MN1: variants seen among roughly 807,000 people sequenced by gnomAD.
MN1 encodes transcriptional activator MN1.
In MN1, 19 loss-of-function variants were observed where a neutral mutation model predicts 86.9. The ratio of observed to expected loss-of-function variants is 0.22; its 90% CI spans 0.15 to 0.32. MN1 has a LOEUF of 0.32. MN1 is among the 10% of genes least tolerant of loss of function. The probability of loss-of-function intolerance (pLI) is 1.00; values close to 1 mark genes in which losing one functional copy is unlikely to be tolerated. For synonymous variants in MN1, 928 were observed against 849.6 expected (o/e 1.09, Z -1.60); for missense variants, 1,841 against 1,862.0 (o/e 0.99, Z 0.21).
At position 27,799,940 on chromosome 22, in the gene MN1, A is replaced by T; in HGVS notation, c.604T>A (p.Ser202Thr). 1.2e-6 allele frequency: 2 copies of T among 1,603,226 alleles called. No individual in the cohort carries two copies. Among genetic ancestry groups the T allele is most frequent in the Non-Finnish European group, 1.7e-6 (2 of 1,175,546 alleles). ...CTGGAGGACGGCAGGCCGTGGAAGG[A>T]GGCGGCTCGGTTAGGGCTCTGGTCC... Reference protein sequence around the residue: ...PLDQSPNRAASFHGLPSSSGS... With the variant: ...PLDQSPNRAATFHGLPSSSGS... The change falls in exon 1 of 2, where the codon TCC becomes ACC. Residue 202 changes from serine to threonine, a missense_variant. Transcript: ENST00000302326.
In MN1 at chr22:27,798,357, C is replaced by T. The variant is rs1433791547; in HGVS notation, c.2187G>A (p.Arg729=). 3 of 1,502,530 alleles carry T rather than the reference C, an allele frequency of 2.0e-6. No homozygotes were observed. The African/African-American group carries it at 4.3e-5, about 22-fold the overall frequency. 93.1% of individuals were successfully genotyped at this position (1,502,530 alleles called of 1,614,324 possible). Residue 729 remains arginine (R), a synonymous_variant, in exon 1 of 2, where the codon CGG becomes CGA. Transcript: ENST00000302326. ...ACGTAGCAAAGTCCGGCGGCGGGGG[C>T]CGGCGCTCCGAAGCAGCGCTGGGGA... is the stretch of plus-strand genomic sequence containing the variant. ...VGLPSAASER[R]PPPPDFATSA...
At position 27,797,117 on chromosome 22, in the gene MN1, C is replaced by T. The variant is rs781031487; in HGVS notation, c.3427G>A (p.Gly1143Ser). The change falls in exon 1 of 2, where the codon GGC becomes AGC. Residue 1143 changes from glycine (G) to serine (S), a missense_variant. By Grantham distance (56) the Gly-to-Ser change is moderately conservative. Transcript: ENST00000302326. The stretch of plus-strand genomic sequence containing the variant: ...TGGATCTCGTCGGGTGGCGGGGCGC[C>T]GCTGCTGCTCGTCGGGGTGCGGACC... ...EQVRTPTSSSGAPPPDEIHPL... is the reference protein window; with the variant it reads ...EQVRTPTSSSSAPPPDEIHPL... 3.8e-6 allele frequency: 6 copies of T among 1,589,324 alleles called. No homozygotes were observed. The South Asian group carries it at 5.7e-5, about 15-fold the overall frequency.
chr22:27,783,852 A>AGTCCGAAT (rs369331252), intron 1 of MN1, among the ~76,000 whole-genome samples: 2,317 of 152,346 alleles, frequency 0.015, 20 homozygotes, highest in South Asian at 0.043. Context: ...TGCCAAGGCG[A>AGTCCGAAT]GTCCGAATAT....
chr22:27,797,721 C>T lies in MN1; in HGVS notation c.2823G>A (p.Arg941=). 6.2e-7 allele frequency: 1 copy of T among 1,611,570 alleles called. No homozygotes were observed. Among genetic ancestry groups the T allele is most frequent in the Middle Eastern group, 1.7e-4 (1 of 6,058 alleles). The change falls in exon 1 of 2, where the codon CGG becomes CGA. Residue 941 remains arginine (R), a synonymous_variant. Transcript: ENST00000302326. ...TGTCCCTTTTTCTGCGACCCCGTCCCCGGCCGCCGCCCCCGGAGACCGGCT... is the reference window on the plus strand; with the variant it reads ...TGTCCCTTTTTCTGCGACCCCGTCCTCGGCCGCCGCCCCCGGAGACCGGCT... The part of the protein sequence containing the change: ...DGKPVSGGGG[R]GRGRRKRDSG...
At chr22:27,787,459 C>CCA (rs1383314321) in intron 1 of MN1, among the ~76,000 whole-genome samples, 1 of 152,224 alleles carries the variant, frequency 6.6e-6, no homozygotes, top group Non-Finnish European at 1.5e-5. Flanking sequence ...CAGCTCCTTT[C>CCA]CACACTTGGC....
At chr22:27,781,824 C>T (rs1421932217) in intron 1 of MN1, among the ~76,000 whole-genome samples, 1 of 152,188 alleles carries the variant, frequency 6.6e-6, no homozygotes, top group African/African-American at 2.4e-5. Flanking sequence ...CCCACTATCT[C>T]CTGGGGCAGG....
intron 1 of MN1, among the ~76,000 whole-genome samples, chr22:27,760,413 G>A (rs985912395): frequency 2.0e-5 from 3 of 151,918 alleles, no homozygotes; most frequent in Non-Finnish European, 4.4e-5. Context: ...GGAGGCTGGT[G>A]CAGGAGGATC....
Position 27,797,519 on chromosome 22 carries a change from A to G in MN1, c.3025T>C (p.Ser1009Pro). 1 of 1,607,718 alleles carries G rather than the reference A, an allele frequency of 6.2e-7. No individual in the cohort carries two copies. Among genetic ancestry groups the G allele is most frequent in the Non-Finnish European group, 8.5e-7 (1 of 1,177,806 alleles). Reference sequence around the variant, plus strand: ...AGCAACTCAGCCCCCTTCCCCCAGGATGGCGACGTGAGCGCCTTTTCGTGG... The same window carrying G: ...AGCAACTCAGCCCCCTTCCCCCAGGGTGGCGACGTGAGCGCCTTTTCGTGG... ...TPHEKALTSP[S>P]WGKGAELLLG... The change falls in exon 1 of 2, where the codon TCC (serine) becomes CCC (proline). Residue 1009 changes from serine to proline, a missense_variant. Ser to Pro is a moderately conservative substitution (Grantham distance 74). Coordinates refer to ENST00000302326, the MANE Select transcript of MN1 (RefSeq NM_002430.3).
In MN1 at chr22:27,798,399, G is replaced by A. The variant is rs1453745263; in HGVS notation, c.2145C>T (p.Pro715=). 4 of 1,516,020 alleles carry A rather than the reference G, an allele frequency of 2.6e-6. No individual in the cohort carries two copies. The highest frequency in any genetic ancestry group is 1.2e-5 in the South Asian group (1 of 81,368). 93.9% of individuals were successfully genotyped at this position (1,516,020 alleles called of 1,614,324 possible). ...CGCTGGGGAGCCCCACGCCCGCCCC[G>A]GGCGACTGCAGCTGACCCAGGCCTC... ...SLGGLGQLQS[P]GAGVGLPSAA... The change falls in exon 1 of 2, where the codon CCC becomes CCT. Residue 715 remains proline, a synonymous_variant. Coordinates refer to ENST00000302326, the MANE Select transcript of MN1 (RefSeq NM_002430.3).
chr22:27,801,538 G>A lies in MN1; in HGVS notation c.-995C>T, dbSNP rs1397626143. 5.5e-6 allele frequency: 1 copy of A among 182,484 alleles called. No homozygotes were observed. The highest frequency in any genetic ancestry group is 2.4e-5 in the African/African-American group (1 of 42,350). The allele number at this position is 182,484 out of a possible 1,614,324, so 11.3% of individuals were successfully genotyped here. A position where few individuals can be genotyped will look rare whatever the true frequency, so the allele number is the denominator to read the frequency against. The stretch of plus-strand genomic sequence containing the variant: ...AGTCCCTCTCGGACCTGAGGGAGGG[G>A]GGCGTACGCGGGTCGGGGGGCCACG... On this transcript the variant is annotated 5_prime_UTR_variant, in exon 1 of 2. Transcript: ENST00000302326.
At chr22:27,771,423 C>G (rs1039821815) in intron 1 of MN1, among the ~76,000 whole-genome samples, 1 of 151,648 alleles carries the variant, frequency 6.6e-6, no homozygotes, top group Admixed American at 6.6e-5. Context: ...AGGGGGGTCT[C>G]ACTATGTTGC....
chr22:27,763,613 A>G (rs1932848869), intron 1 of MN1, among the ~76,000 whole-genome samples: 1 of 152,152 alleles, frequency 6.6e-6, no homozygotes, highest in Non-Finnish European at 1.5e-5. Flanking sequence ...ACCATTATCA[A>G]TTCCCCAAGC....
intron 1 of MN1, among the ~76,000 whole-genome samples, chr22:27,789,220 T>A (rs777160300): frequency 8.5e-5 from 13 of 152,182 alleles, no homozygotes; most frequent in Non-Finnish European, 1.9e-4. Flanking sequence ...GGTTCTCTTG[T>A]GGGTATCTTT....
At chr22:27,786,461 C>T (rs1933134476) in intron 1 of MN1, among the ~76,000 whole-genome samples, 1 of 149,304 alleles carries the variant, frequency 6.7e-6, no homozygotes, top group African/African-American at 2.5e-5. Context: ...ACACATCCTC[C>T]TACCACCACC....
rs1416707591 is a variant in MN1 at position 27,799,023 on chromosome 22, A to G, written c.1521T>C (p.Pro507=). 6.2e-7 allele frequency: 1 copy of G among 1,611,866 alleles called. No homozygotes were observed. The change falls in exon 1 of 2, where the codon CCT becomes CCC. Residue 507 remains proline (P), a synonymous_variant. Transcript: ENST00000302326. ...CCGGATGCTGCAGGGGCGGCCCCGAAGGGAAGCTGTCGGGCACAGGCGGTG... is the reference window on the plus strand; with the variant it reads ...CCGGATGCTGCAGGGGCGGCCCCGAGGGGAAGCTGTCGGGCACAGGCGGTG... ...EFTPPVPDSF[P]SGPPLQHPAP...
intron 1 of MN1, among the ~76,000 whole-genome samples, chr22:27,791,175 CCT>C (rs977164369): frequency 6.6e-6 from 1 of 152,012 alleles, no homozygotes; most frequent in Non-Finnish European, 1.5e-5. Flanking sequence ...GCTTTGCTCC[CCT>C]GAGATACAGA....
chr22:27,763,130 C>T (rs1363261732), intron 1 of MN1, among the ~76,000 whole-genome samples: 5 of 152,140 alleles, frequency 3.3e-5, no homozygotes, highest in African/African-American at 1.2e-4. Context: ...AACAAATATA[C>T]ATTCACATTT....
intron 1 of MN1, among the ~76,000 whole-genome samples, chr22:27,752,481 C>G (rs1435019772): frequency 6.6e-6 from 1 of 152,170 alleles, no homozygotes; most frequent in Non-Finnish European, 1.5e-5. Context: ...TTCATTGAGT[C>G]ACACAATGCC....
rs760644666 is a variant in MN1 at position 27,797,800 on chromosome 22, C to A, written c.2744G>T (p.Gly915Val). Residue 915 changes from glycine (G) to valine (V), a missense_variant, in exon 1 of 2, where the codon GGC (glycine) becomes GTC (valine). By Grantham distance (109) the Gly-to-Val change is moderately radical. Transcript: ENST00000302326. ...GPPNPPAQGD[G>V]TSLSPNYTLE... ...GGTGTAGTTGGGGGAGAGGCTGGTG[C>A]CGTCCCCCTGGGCTGGAGGGTTGGG... 6.3e-7 allele frequency: 1 copy of A among 1,595,484 alleles called. No individual in the cohort carries two copies.
Sources: gnomAD v4.1 joint callset for allele counts (sites outside exome capture counted in the v4.1 genomes callset) on GRCh38, gnomAD v4.1.1 for gene constraint, MANE v1.5 for transcripts, NCBI Gene and HGNC (gene_info 2026-07-23, HGNC 2026-07-21) for gene names.